CYB5R4: variants seen among roughly 807,000 people sequenced by gnomAD.
The protein encoded by CYB5R4 is N-terminal cytochrome b5 and cytochrome b5 oxidoreductase domain-containing protein.
CYB5R4 carries 55 observed loss-of-function variants against 70.2 expected under a neutral mutation model. That is an observed-to-expected ratio of 0.78 (90% CI 0.63 to 0.98). The LOEUF (loss-of-function observed/expected upper bound fraction) is 0.98, where lower values mean the gene tolerates loss of function less well. CYB5R4 is among the 50% of genes least tolerant of loss of function. The probability of loss-of-function intolerance (pLI) is 0.00; values close to 1 mark genes in which losing one functional copy is unlikely to be tolerated. For synonymous variants in CYB5R4, 197 were observed against 199.5 expected (o/e 0.99, Z 0.11); for missense variants, 562 against 612.6 (o/e 0.92, Z 0.87).
intron 10 of CYB5R4, among the ~76,000 whole-genome samples, chr6:83,926,831 T>G (rs2099467369): frequency 6.6e-6 from 1 of 152,202 alleles, no homozygotes; most frequent in African/African-American, 2.4e-5. Flanking sequence ...TATCCAAGCT[T>G]CTTAAATGAA....
chr6:83,906,662 A>C (rs1378037488), intron 3 of CYB5R4, among the ~76,000 whole-genome samples: 3 of 152,098 alleles, frequency 2.0e-5, no homozygotes, highest in African/African-American at 7.2e-5. Flanking sequence ...CTGTCACTTT[A>C]CTGTTGAATT....
intron 2 of CYB5R4, among the ~76,000 whole-genome samples, chr6:83,891,894 C>A (rs906387667): frequency 1.4e-4 from 21 of 152,166 alleles, no homozygotes; most frequent in African/African-American, 5.1e-4. Flanking sequence ...AATTCCATCA[C>A]AAATGATCAT....
chr6:83,910,226 T>A, intron 4 of CYB5R4: 2 of 1,256,104 alleles, frequency 1.6e-6, no homozygotes, highest in Non-Finnish European at 2.2e-6. Context: ...AGTTCAACTT[T>A]TGTAAAGTCA....
At chr6:83,887,129 A>T (rs1471056050) in intron 2 of CYB5R4, among the ~76,000 whole-genome samples, 1 of 152,168 alleles carries the variant, frequency 6.6e-6, no homozygotes, top group African/African-American at 2.4e-5. Flanking sequence ...TCTGTATAAA[A>T]AGGCAATATT....
intron 2 of CYB5R4, among the ~76,000 whole-genome samples, chr6:83,889,965 A>G (rs2099460863): frequency 1.3e-5 from 2 of 152,268 alleles, no homozygotes; most frequent in East Asian, 3.9e-4. Flanking sequence ...TGATCCAGAC[A>G]ACTTCCACCA....
chr6:83,881,623 GT>G (rs1479848073), intron 2 of CYB5R4, among the ~76,000 whole-genome samples: 1 of 152,150 alleles, frequency 6.6e-6, no homozygotes, highest in Non-Finnish European at 1.5e-5. Context: ...ATAAGCTTTA[GT>G]TTCACCTTTC....
In CYB5R4 at chr6:83,961,802, T is replaced by G. The variant is rs1171900814; in HGVS notation, c.*1924T>G. On this transcript the variant is annotated 3_prime_UTR_variant, in exon 16 of 16. Coordinates refer to ENST00000369681, the MANE Select transcript of CYB5R4 (RefSeq NM_016230.4). ...TAAGCCTCTTCTTTTTTCTCTCTCCTTTCCCAAGCAACAGAATCTCCTATT... is the reference window on the plus strand; with the variant it reads ...TAAGCCTCTTCTTTTTTCTCTCTCCGTTCCCAAGCAACAGAATCTCCTATT... The G allele has an allele frequency of 6.6e-6, 1 of 152,024 alleles. No homozygotes were observed. The highest frequency in any genetic ancestry group is 2.4e-5 in the African/African-American group (1 of 41,436). 9.4% of individuals were successfully genotyped at this position (152,024 alleles called of 1,614,324 possible).
intron 4 of CYB5R4, among the ~76,000 whole-genome samples, chr6:83,911,932 C>T (rs1406038654): frequency 6.6e-6 from 1 of 151,748 alleles, no homozygotes; most frequent in Non-Finnish European, 1.5e-5. Context: ...TGGTGCATGC[C>T]TGTGGTCCCA....
intron 4 of CYB5R4, among the ~76,000 whole-genome samples, chr6:83,911,678 G>A (rs2099464699): frequency 6.6e-6 from 1 of 151,892 alleles, no homozygotes; most frequent in South Asian, 2.1e-4. Context: ...ATTTCTTCCA[G>A]TAGAAACGTT....
intron 1 of CYB5R4, among the ~76,000 whole-genome samples, chr6:83,863,969 G>A (rs1188639252): frequency 6.6e-6 from 1 of 152,174 alleles, no homozygotes; most frequent in East Asian, 1.9e-4. Context: ...ATAGACTACT[G>A]TACTGTGACA....
intron 2 of CYB5R4, among the ~76,000 whole-genome samples, chr6:83,877,592 A>G (rs1016661312): frequency 1.1e-4 from 17 of 152,060 alleles, no homozygotes; most frequent in African/African-American, 2.4e-4. Flanking sequence ...CCTTTTGACA[A>G]TCGGCTTTCA....
Position 83,924,508 on chromosome 6 carries a change from C to T in CYB5R4, c.730C>T (p.Leu244=), listed in dbSNP as rs1229374029. 8.1e-6 allele frequency: 13 copies of T among 1,613,346 alleles called. No homozygotes were observed. The East Asian group carries it at 1.8e-4, about 22-fold the overall frequency. The change falls in exon 10 of 16, where the codon CTA becomes TTA. Residue 244 remains leucine, a synonymous_variant. Transcript: ENST00000369681. ...GAGTGTGGGAAAAATAGAGATTGTT[C>T]TACAAAAAAAAGAGAATACTTCTTG... is the stretch of plus-strand genomic sequence containing the variant. The part of the protein sequence containing the change: ...VESVGKIEIV[L]QKKENTSWDF...
At chr6:83,911,444 TC>T (rs1331078333) in intron 4 of CYB5R4, among the ~76,000 whole-genome samples, 1 of 152,032 alleles carries the variant, frequency 6.6e-6, no homozygotes. Flanking sequence ...GTGAGTAAGA[TC>T]CCTGGCAACA....
intron 3 of CYB5R4, among the ~76,000 whole-genome samples, chr6:83,905,625 G>C (rs1165251192): frequency 6.6e-6 from 1 of 152,072 alleles, no homozygotes; most frequent in Non-Finnish European, 1.5e-5. Flanking sequence ...AATGGGCTAA[G>C]TGTGTCTGTC....
intron 14 of CYB5R4, among the ~76,000 whole-genome samples, chr6:83,949,851 CATT>C (rs1413859016): frequency 1.3e-5 from 2 of 152,178 alleles, no homozygotes; most frequent in African/African-American, 4.8e-5. Flanking sequence ...ATAAAACAAA[CATT>C]AATACCTACA....
At position 83,966,070 on chromosome 6, in the gene CYB5R4, G is replaced by A. The variant is rs1482006267; in HGVS notation, c.*6192G>A. 2.0e-5 allele frequency: 3 copies of A among 152,124 alleles called. No individual in the cohort carries two copies. In the East Asian group the frequency reaches 5.8e-4, roughly 29 times the overall value. The allele number at this position is 152,124 out of a possible 1,614,324, so 9.4% of individuals were successfully genotyped here. A position where few individuals can be genotyped will look rare whatever the true frequency, so the allele number is the denominator to read the frequency against. On this transcript the variant is annotated 3_prime_UTR_variant, in exon 16 of 16. Coordinates refer to ENST00000369681, the MANE Select transcript of CYB5R4 (RefSeq NM_016230.4). ...TGATTCTATTCCTATGAAATGTCTA[G>A]AACAGGAAAATCTATGAGACATAAA...
chr6:83,873,677 A>G (rs769256894), intron 2 of CYB5R4, among the ~76,000 whole-genome samples: 2 of 152,196 alleles, frequency 1.3e-5, no homozygotes, highest in African/African-American at 2.4e-5. Context: ...AATATTTCTC[A>G]AGGGTCTGCT....
At chr6:83,948,286 A>G (rs2099470964) in intron 14 of CYB5R4, among the ~76,000 whole-genome samples, 1 of 152,160 alleles carries the variant, frequency 6.6e-6, no homozygotes, top group Non-Finnish European at 1.5e-5. Context: ...CAAATACCGC[A>G]TGTTCTTACT....
At chr6:83,890,941 A>G (rs1399265679) in intron 2 of CYB5R4, among the ~76,000 whole-genome samples, 3 of 151,672 alleles carry the variant, frequency 2.0e-5, no homozygotes, top group Non-Finnish European at 4.4e-5. Context: ...TATAGCGTAA[A>G]CATAACTGTT....
Sources: allele counts gnomAD v4.1 joint callset (sites outside exome capture counted in the v4.1 genomes callset), GRCh38; gene constraint gnomAD v4.1.1; transcripts MANE v1.5; gene names NCBI Gene and HGNC (gene_info 2026-07-23, HGNC 2026-07-21).